SEPTIN10: variants seen among roughly 807,000 people sequenced by gnomAD.
SEPTIN10 encodes the protein septin-10.
A neutral mutation model predicts 54.8 loss-of-function variants in SEPTIN10; 66 were observed. That is an observed-to-expected ratio of 1.21 (90% CI 0.99 to 1.48). The LOEUF (loss-of-function observed/expected upper bound fraction) is 1.48. Among genes scored for constraint, SEPTIN10 ranks in the 40% most tolerant of loss-of-function variants. The probability of loss-of-function intolerance (pLI) is 0.00; values close to 1 mark genes in which losing one functional copy is unlikely to be tolerated. For missense variants in SEPTIN10, 620 were observed against 545.6 expected (o/e 1.14, Z -1.36); for synonymous variants, 161 against 181.0 (o/e 0.89, Z 0.89).
rs548978019 is a variant in SEPTIN10 at position 109,542,871 on chromosome 2, G to C, written c.*1438C>G. ...CTCAGAATCTGACACAGACTAATAA[G>C]TTTCATTGTCTGAAAATACTCATAA... On this transcript the variant is annotated 3_prime_UTR_variant, in exon 11 of 11. Transcript: ENST00000397712. 1 of 152,346 alleles carries C rather than the reference G, an allele frequency of 6.6e-6. No homozygotes were observed. Among genetic ancestry groups the C allele is most frequent in the Non-Finnish European group, 1.5e-5 (1 of 68,012 alleles). The allele number at this position is 152,346 out of a possible 1,614,324, so 9.4% of individuals were successfully genotyped here.
intron 10 of SEPTIN10, chr2:109,545,054 CTATTT>C (rs1249649110): frequency 3.0e-6 from 3 of 985,268 alleles, no homozygotes; most frequent in African/African-American, 3.5e-5. Flanking sequence ...TTATGTTTTC[CTATTT>C]TAAAGTTGAG....
chr2:109,595,812 C>T (rs1209784422), intron 1 of SEPTIN10, among the ~76,000 whole-genome samples: 1 of 152,154 alleles, frequency 6.6e-6, no homozygotes, highest in Non-Finnish European at 1.5e-5. Context: ...CTGCTAAAGG[C>T]TAAGTGCCAC....
intron 1 of SEPTIN10, among the ~76,000 whole-genome samples, chr2:109,596,022 CTTTAAG>C (rs1452647600): frequency 6.6e-6 from 1 of 152,098 alleles, no homozygotes; most frequent in African/African-American, 2.4e-5. Context: ...AAGTATAGAA[CTTTAAG>C]TTTAATATTT....
intron 4 of SEPTIN10, among the ~76,000 whole-genome samples, chr2:109,584,652 A>G (rs1482796612): frequency 6.6e-6 from 1 of 152,180 alleles, no homozygotes; most frequent in African/African-American, 2.4e-5. Context: ...GACACAAGGT[A>G]AAATATAAAT....
At chr2:109,603,593 G>A (rs1048536713) in intron 1 of SEPTIN10, among the ~76,000 whole-genome samples, 9 of 152,050 alleles carry the variant, frequency 5.9e-5, no homozygotes, top group Admixed American at 5.2e-4. Flanking sequence ...CAGACCCCAG[G>A]TATTGTGGAT....
At chr2:109,559,475 C>T (rs919477974) in intron 8 of SEPTIN10, among the ~76,000 whole-genome samples, 4 of 151,932 alleles carry the variant, frequency 2.6e-5, no homozygotes, top group Non-Finnish European at 4.4e-5. Flanking sequence ...GCTGAAGAAT[C>T]TCCCTTTCTA....
At chr2:109,584,790 AT>A (rs1427496185) in intron 4 of SEPTIN10, among the ~76,000 whole-genome samples, 3 of 151,910 alleles carry the variant, frequency 2.0e-5, no homozygotes, top group Non-Finnish European at 4.4e-5. Flanking sequence ...TATGTCTTGT[AT>A]TTTTTTTCTT....
intron 1 of SEPTIN10, among the ~76,000 whole-genome samples, chr2:109,609,790 C>A (rs144374904): frequency 2.4e-4 from 36 of 151,968 alleles, no homozygotes; most frequent in Admixed American, 9.8e-4. Flanking sequence ...ATGACAAATG[C>A]GGACAGGAAT....
intron 1 of SEPTIN10, chr2:109,613,171 T>C: frequency 1.6e-6 from 2 of 1,288,880 alleles, no homozygotes; most frequent in Non-Finnish European, 2.0e-6. Flanking sequence ...AAAATAGTTG[T>C]AACCACACTT....
intron 1 of SEPTIN10, 88 bp from the exon 2 acceptor site, chr2:109,593,207 G>T (rs941765515): frequency 4.9e-6 from 4 of 809,504 alleles, no homozygotes; most frequent in Non-Finnish European, 7.5e-6. Context: ...CATGAATAAG[G>T]TGTTATAATA....
intron 1 of SEPTIN10, among the ~76,000 whole-genome samples, chr2:109,599,207 C>G (rs901854635): frequency 3.3e-5 from 5 of 152,188 alleles, no homozygotes; most frequent in Middle Eastern, 3.4e-3. Flanking sequence ...CCTGTAACCC[C>G]AGCACTCTGG....
In SEPTIN10 at chr2:109,610,351, G is replaced by A. The variant is rs577509880; in HGVS notation, c.30+3447C>T. 1.4e-3 allele frequency among the ~76,000 whole-genome samples: 210 copies of A among 152,238 alleles called. 1 individual carries two copies. The highest frequency in any genetic ancestry group is 2.6e-3 in the Non-Finnish European group (180 of 68,000). On this transcript the variant is annotated intron_variant, in intron 1 of 10. Coordinates refer to ENST00000397712, the MANE Select transcript of SEPTIN10 (RefSeq NM_144710.5). ...GATCCATCCATCTGGGCCTCCCAAA[G>A]TGCTGGGATTACAGGTGTGAGCCAC...
intron 9 of SEPTIN10, among the ~76,000 whole-genome samples, chr2:109,547,441 TC>T (rs1281013214): frequency 7.9e-5 from 12 of 151,702 alleles, no homozygotes; most frequent in Non-Finnish European, 1.5e-4. Flanking sequence ...GGGTTATTCT[TC>T]CCGTATACAA....
At position 109,585,713 on chromosome 2, in the gene SEPTIN10, GCA is replaced by G; in HGVS notation, c.217+6_217+7del. 6.4e-7 allele frequency: 1 copy of G among 1,574,156 alleles called. No homozygotes were observed. Among genetic ancestry groups the G allele is most frequent in the Non-Finnish European group, 8.7e-7 (1 of 1,145,000 alleles). ...GAACAACTTAGAGGAAGAGTAGGTG[GCA>G]CGTACCCACACAGAGAATATTAAAG... On this transcript the variant is annotated splice_donor_region_variant and intron_variant, in intron 3 of 10. Coordinates refer to ENST00000397712, the MANE Select transcript of SEPTIN10 (RefSeq NM_144710.5).
Position 109,593,069 on chromosome 2 carries a change from T to A in SEPTIN10, c.81A>T (p.Gly27=), listed in dbSNP as rs368126692. The A allele has an allele frequency of 1.3e-5, 21 of 1,599,720 alleles. No individual in the cohort carries two copies. In the African/African-American group the frequency reaches 2.8e-4, roughly 21 times the overall value. The part of the protein sequence containing the change: ...ATKTTCMSSQ[G]SDDEQIKREN... The stretch of plus-strand genomic sequence containing the variant: ...TACTCACTATCTGTTCATCATCTGA[T>A]CCTTGTGAAGACATACAAGTTGTTT... The change falls in exon 2 of 11, where the codon GGA becomes GGT. Residue 27 remains glycine, a synonymous_variant. Transcript: ENST00000397712.
intron 10 of SEPTIN10, chr2:109,545,201 C>A: frequency 1.0e-6 from 1 of 985,284 alleles, no homozygotes; most frequent in Non-Finnish European, 1.2e-6. Context: ...GAGGCAGAGT[C>A]CCCCAAATGA....
chr2:109,599,323 T>C (rs963159430), intron 1 of SEPTIN10, among the ~76,000 whole-genome samples: 6 of 151,620 alleles, frequency 4.0e-5, no homozygotes, highest in Admixed American at 2.6e-4. Context: ...CCAGGCGTGG[T>C]GGTGTGTGCC....
intron 1 of SEPTIN10, among the ~76,000 whole-genome samples, chr2:109,611,530 G>T (rs1485268006): frequency 6.6e-6 from 1 of 152,154 alleles, no homozygotes; most frequent in African/African-American, 2.4e-5. Context: ...GGCTGAGACG[G>T]GAGGATCGCT....
chr2:109,564,130 T>A, intron 8 of SEPTIN10: 1 of 380,366 alleles, frequency 2.6e-6, no homozygotes, highest in Non-Finnish European at 4.6e-6. Flanking sequence ...CTGCCATACA[T>A]TCTTCATCAT....
Sources: gnomAD v4.1 joint callset for allele counts (sites outside exome capture counted in the v4.1 genomes callset) on GRCh38, gnomAD v4.1.1 for gene constraint, MANE v1.5 for transcripts, NCBI Gene and HGNC (gene_info 2026-07-23, HGNC 2026-07-21) for gene names.